Variants in NEK10 observed in about 807,000 individuals in gnomAD.
NEK10 encodes serine/threonine-protein kinase Nek10.
In NEK10, 122 loss-of-function variants were observed where a neutral mutation model predicts 159.8. That is an observed-to-expected ratio of 0.76 (90% confidence interval 0.66 to 0.89). The LOEUF (loss-of-function observed/expected upper bound fraction) is 0.89, where lower values mean the gene tolerates loss of function less well. Among genes scored for constraint, NEK10 ranks in the 40% least tolerant of loss-of-function variants. NEK10 has a pLI of 0.00. For synonymous variants in NEK10, 466 were observed against 457.1 expected (o/e 1.02, Z -0.25); for missense variants, 1,342 against 1,323.1 (o/e 1.01, Z -0.22).
At chr3:27,222,202 G>A (rs543672257) in intron 23 of NEK10, among the ~76,000 whole-genome samples, 47 of 152,094 alleles carry the variant, frequency 3.1e-4, no homozygotes, top group Non-Finnish European at 5.0e-4. Context: ...GTGAAACCCC[G>A]TCTCTACTAA....
Position 27,192,063 on chromosome 3 carries a change from A to G in NEK10, c.2471T>C (p.Val824Ala), listed in dbSNP as rs1949164516. Residue 824 changes from valine to alanine, a missense_variant, in exon 26 of 36, where the codon GTC becomes GCC. Physicochemically the swap from Val to Ala is moderately conservative, Grantham distance 64. Coordinates refer to ENST00000691995, the MANE Select transcript of NEK10 (RefSeq NM_001394966.1). ...AACAGCCAGCTCATGGTGACATGTG[A>G]CGGTGTTCCGGTTGGCTTCCATAAA... The part of the protein sequence containing the change: ...RYFMEANRNT[V>A]TCHHELAVLS... 6.2e-7 allele frequency: 1 copy of G among 1,614,198 alleles called. No homozygotes were observed. Among genetic ancestry groups the G allele is most frequent in the African/African-American group, 1.3e-5 (1 of 75,052 alleles).
chr3:27,155,932 T>C (rs1199688282), intron 30 of NEK10, among the ~76,000 whole-genome samples: 4 of 152,036 alleles, frequency 2.6e-5, no homozygotes, highest in Admixed American at 2.6e-4. Context: ...GGTACTGGTA[T>C]AAAAATAGGC....
At chr3:27,229,198 ATTAC>A (rs1400196761) in intron 23 of NEK10, among the ~76,000 whole-genome samples, 5 of 152,174 alleles carry the variant, frequency 3.3e-5, no homozygotes, top group African/African-American at 1.2e-4. Flanking sequence ...CAAACACATA[ATTAC>A]TACAACCAGC....
intron 23 of NEK10, among the ~76,000 whole-genome samples, chr3:27,227,316 A>C (rs1269677607): frequency 1.3e-5 from 2 of 152,192 alleles, no homozygotes; most frequent in Non-Finnish European, 2.9e-5. Context: ...GGTCGGTTAC[A>C]GGAACACAGG....
rs189799136 is a variant in NEK10 at position 27,198,732 on chromosome 3, T to C, written c.2291+2778A>G. Among the ~76,000 whole-genome samples, 276 of 152,086 alleles carry C rather than the reference T, an allele frequency of 1.8e-3. 1 individual carries two copies. The highest frequency in any genetic ancestry group is 5.7e-3 in the African/African-American group (235 of 41,470). ...AACCTAGGCAATACCATTCAGAACA[T>C]AGGCACAGGCAAAGATTTCATGACA... On this transcript the variant is annotated intron_variant, in intron 25 of 35. Transcript: ENST00000691995.
intron 23 of NEK10, chr3:27,215,533 C>G: frequency 2.2e-6 from 1 of 459,418 alleles, no homozygotes; most frequent in Non-Finnish European, 3.8e-6. Context: ...TATATTTACT[C>G]AGATGAGTTT....
chr3:27,118,080 T>C (rs1940746541), intron 33 of NEK10, among the ~76,000 whole-genome samples: 1 of 152,212 alleles, frequency 6.6e-6, no homozygotes, highest in Admixed American at 6.5e-5. Flanking sequence ...AAGGAATCCT[T>C]TCCCCATTGC....
In NEK10 at chr3:27,202,533, C is replaced by T. The variant is rs139369015; in HGVS notation, c.2115G>A (p.Pro705=). The change falls in exon 24 of 36, where the codon CCG becomes CCA. Residue 705 remains proline (P), a synonymous_variant. Coordinates refer to ENST00000691995, the MANE Select transcript of NEK10 (RefSeq NM_001394966.1). The stretch of plus-strand genomic sequence containing the variant: ...CCCAGACATCAGCCTTCTCCCCATA[C>T]GGCTCACTCTTCAGTACCTCGGGGC... The part of the protein sequence containing the change: ...YSCPEVLKSE[P]YGEKADVWAV... The T allele has an allele frequency of 9.2e-5, 148 of 1,611,734 alleles. No homozygotes were observed. In the African/African-American group the frequency reaches 1.3e-3, roughly 14 times the overall value.
Position 27,141,494 on chromosome 3 carries a change from G to C in NEK10, c.2958C>G (p.Ile986Met), listed in dbSNP as rs572399509. 3 of 1,611,958 alleles carry C rather than the reference G, an allele frequency of 1.9e-6. No individual in the cohort carries two copies. Among genetic ancestry groups the C allele is most frequent in the African/African-American group, 2.7e-5 (2 of 74,998 alleles). ...CTAGAACACTGACCTGTGTGATATA[G>C]ATTATTTTGTGCAGCTGAATTAATA... ...QQILIQLHKI[I>M]YITQLPPALH... Residue 986 changes from isoleucine to methionine, a missense_variant, in exon 31 of 36, where the codon ATC (isoleucine) becomes ATG (methionine). Ile to Met is a conservative substitution (Grantham distance 10). Transcript: ENST00000691995.
intron 22 of NEK10, among the ~76,000 whole-genome samples, chr3:27,261,079 A>AT (rs1388774534): frequency 2.6e-5 from 4 of 152,148 alleles, no homozygotes; most frequent in Admixed American, 1.3e-4. Flanking sequence ...CCCCTTTATC[A>AT]TTTTTTATTG....
intron 22 of NEK10, among the ~76,000 whole-genome samples, chr3:27,275,102 T>C (rs975810636): frequency 6.6e-6 from 1 of 152,216 alleles, no homozygotes; most frequent in Admixed American, 6.5e-5. Flanking sequence ...TCATAAAAAT[T>C]TGGTGTCTCC....
intron 29 of NEK10, among the ~76,000 whole-genome samples, chr3:27,165,934 A>G (rs192964351): frequency 6.6e-6 from 1 of 152,364 alleles, no homozygotes; most frequent in Non-Finnish European, 1.5e-5. Flanking sequence ...TCCTTGAAAT[A>G]TGTATCTGAA....
chr3:27,200,896 G>C (rs902684418), intron 25 of NEK10, among the ~76,000 whole-genome samples: 7 of 152,146 alleles, frequency 4.6e-5, no homozygotes, highest in African/African-American at 1.4e-4. Flanking sequence ...GCCAGGACTA[G>C]TGGGAAGCAC....
At chr3:27,231,171 A>G (rs186285372) in intron 23 of NEK10, among the ~76,000 whole-genome samples, 69 of 152,154 alleles carry the variant, frequency 4.5e-4, no homozygotes, top group African/African-American at 1.7e-3. Flanking sequence ...ATCTTCTCAA[A>G]CCACAGTGGA....
chr3:27,290,683 C>A lies in NEK10; in HGVS notation c.1677G>T (p.Lys559Asn). 6.2e-7 allele frequency: 1 copy of A among 1,608,260 alleles called. No individual in the cohort carries two copies. Among genetic ancestry groups the A allele is most frequent in the Non-Finnish European group, 8.5e-7 (1 of 1,175,388 alleles). ...CGCTGCTGTCTCGATCTTTCTTATC[C>A]TTTCCAAATGCTGGGTTATGTAAAT... ...EVNLHNPAFG[K>N]DKKDRDSSVR... Residue 559 changes from lysine to asparagine, a missense_variant, in exon 19 of 36, where the codon AAG (lysine) becomes AAT (asparagine). Lys to Asn is a moderately conservative substitution (Grantham distance 94). Coordinates refer to ENST00000691995, the MANE Select transcript of NEK10 (RefSeq NM_001394966.1).
chr3:27,346,445 A>G (rs1007380594), intron 3 of NEK10, among the ~76,000 whole-genome samples: 2 of 152,196 alleles, frequency 1.3e-5, no homozygotes, highest in African/African-American at 4.8e-5. Context: ...ACCACTTGTC[A>G]TATCTGACAG....
chr3:27,261,787 T>A (rs1225032061), intron 22 of NEK10, among the ~76,000 whole-genome samples: 1 of 152,158 alleles, frequency 6.6e-6, no homozygotes, highest in African/African-American at 2.4e-5. Context: ...TTGTTAACTT[T>A]CTGTCTTGTT....
At position 27,108,606 on chromosome 3, in the gene NEK10, G is replaced by A. The variant is rs1311883541; in HGVS notation, c.*2666C>T. On this transcript the variant is annotated 3_prime_UTR_variant, in exon 36 of 36. Transcript: ENST00000691995. The stretch of plus-strand genomic sequence containing the variant: ...TTACGGAAATTAGGTGCATTCATAG[G>A]AATTTCATTGCACAACAAATCATTA... Among the ~76,000 whole-genome samples, 1 of 152,044 alleles carries A rather than the reference G, an allele frequency of 6.6e-6. No homozygotes were observed. Among genetic ancestry groups the A allele is most frequent in the Non-Finnish European group, 1.5e-5 (1 of 68,008 alleles).
intron 31 of NEK10, among the ~76,000 whole-genome samples, chr3:27,132,358 G>C (rs976858119): frequency 8.5e-5 from 13 of 152,144 alleles, no homozygotes. Flanking sequence ...AATATGCCTA[G>C]AACTATGCCA....
Sources: allele counts gnomAD v4.1 joint callset (sites outside exome capture counted in the v4.1 genomes callset), GRCh38; gene constraint gnomAD v4.1.1; transcripts MANE v1.5; gene names NCBI Gene and HGNC (gene_info 2026-07-23, HGNC 2026-07-21).